The following AGBL4 variants were observed in gnomAD, a reference collection of about 807,000 sequenced individuals.
The protein encoded by AGBL4 is AGBL carboxypeptidase 4, also known as cytosolic carboxypeptidase 6.
A neutral mutation model predicts 66.4 loss-of-function variants in AGBL4; 58 were observed. The observed-to-expected ratio is 0.87, with a 90% confidence interval of 0.71 to 1.09. AGBL4 has a LOEUF of 1.09. Among genes scored for constraint, AGBL4 ranks in the 50% least tolerant of loss-of-function variants. The pLI is 0.00. For synonymous variants in AGBL4, 234 were observed against 222.9 expected, an observed-to-expected ratio of 1.05 and a Z score of -0.44; for missense variants, 579 against 631.0, an observed-to-expected ratio of 0.92 and a Z score of 0.88.
intron 1 of AGBL4, among the ~76,000 whole-genome samples, chr1:49,868,603 T>C (rs1646764014): frequency 6.6e-6 from 1 of 151,920 alleles, no homozygotes; most frequent in African/African-American, 2.4e-5. Context: ...ATACAAAAAA[T>C]AACTCAAGAT....
intron 2 of AGBL4, among the ~76,000 whole-genome samples, chr1:49,702,446 G>A (rs981465736): frequency 2.0e-5 from 3 of 152,004 alleles, no homozygotes; most frequent in Admixed American, 6.6e-5. Flanking sequence ...AGCCAAGATC[G>A]TGCCACTGCA....
At chr1:49,599,433 T>C (rs1238560139) in intron 3 of AGBL4, among the ~76,000 whole-genome samples, 1 of 152,250 alleles carries the variant, frequency 6.6e-6, no homozygotes, top group African/African-American at 2.4e-5. Context: ...TGTATTTCTG[T>C]GGGATCAGTG....
At chr1:48,776,859 G>C (rs1045619365) in intron 6 of AGBL4, 76 of 1,464,186 alleles carry the variant, frequency 5.2e-5, no homozygotes, top group Non-Finnish European at 6.7e-5. Flanking sequence ...GGCCCCGGTC[G>C]GGCAGCTCAG....
At chr1:48,974,676 T>C (rs1481268021) in intron 5 of AGBL4, among the ~76,000 whole-genome samples, 1 of 152,160 alleles carries the variant, frequency 6.6e-6, no homozygotes, top group Non-Finnish European at 1.5e-5. Flanking sequence ...GTGAAGTAAT[T>C]GGATGAATCT....
At chr1:48,546,258 T>A (rs948772054) in intron 11 of AGBL4, among the ~76,000 whole-genome samples, 3 of 152,248 alleles carry the variant, frequency 2.0e-5, no homozygotes, top group Non-Finnish European at 4.4e-5. Flanking sequence ...GTGGCTTGAA[T>A]GTAACAAAGG....
intron 3 of AGBL4, among the ~76,000 whole-genome samples, chr1:49,617,223 G>T (rs1244624242): frequency 1.3e-5 from 2 of 152,094 alleles, no homozygotes; most frequent in Non-Finnish European, 2.9e-5. Context: ...TGTCAGTCAT[G>T]CTATCACTCA....
At chr1:48,816,042 G>GTT (rs1478997925) in intron 6 of AGBL4, among the ~76,000 whole-genome samples, 3 of 109,366 alleles carry the variant, frequency 2.7e-5, no homozygotes, top group African/African-American at 1.1e-4. Flanking sequence ...TTGAGGAACT[G>GTT]TTTTGTGTGT....
chr1:49,187,149 C>A (rs2148198460), intron 4 of AGBL4: 1 of 152,200 alleles, frequency 6.6e-6, no homozygotes, highest in African/African-American at 2.4e-5. Context: ...ACACAGCAGC[C>A]TTTTTGGGGC....
At position 49,301,054 on chromosome 1, in the gene AGBL4, G is replaced by T. The variant is rs1644736231; in HGVS notation, c.283-55190C>A. On this transcript the variant is annotated intron_variant, in intron 3 of 13. Coordinates refer to ENST00000371839, the MANE Select transcript of AGBL4 (RefSeq NM_032785.4). ...GGACAAGGAGCATGTCTTGTTTGTG[G>T]CATATAATATGTGCTAACATAATGT... 2.0e-5 allele frequency among the ~76,000 whole-genome samples: 3 copies of T among 152,148 alleles called. No homozygotes were observed. In the South Asian group the frequency reaches 6.2e-4, roughly 32 times the overall value.
At chr1:49,641,728 T>G (rs1645784929) in intron 3 of AGBL4, among the ~76,000 whole-genome samples, 1 of 152,074 alleles carries the variant, frequency 6.6e-6, no homozygotes, top group South Asian at 2.1e-4. Flanking sequence ...ACATTTAACT[T>G]TTCAGTGATA....
rs1193439797 is a variant in AGBL4 at position 49,219,355 on chromosome 1, G to C, written c.377+26415C>G. Among the ~76,000 whole-genome samples the C allele has an allele frequency of 2.0e-5, 3 of 152,042 alleles. No individual in the cohort carries two copies. The East Asian group carries it at 5.8e-4, about 29-fold the overall frequency. ...ATATCCATTGTTCTATTCTTATTAGGAGATGCCTCATTTTTCTCCTTTTAT... is the reference window on the plus strand; with the variant it reads ...ATATCCATTGTTCTATTCTTATTAGCAGATGCCTCATTTTTCTCCTTTTAT... On this transcript the variant is annotated intron_variant, in intron 4 of 13. Transcript: ENST00000371839.
intron 1 of AGBL4, among the ~76,000 whole-genome samples, chr1:49,882,368 T>C (rs1182723304): frequency 1.5e-4 from 23 of 150,678 alleles, no homozygotes; most frequent in East Asian, 7.8e-4. Context: ...CTTGGCGATG[T>C]GGGCTCTTTT....
chr1:49,739,845 C>G (rs925003994), intron 2 of AGBL4, among the ~76,000 whole-genome samples: 3 of 152,110 alleles, frequency 2.0e-5, no homozygotes, highest in Non-Finnish European at 4.4e-5. Context: ...CACAGACAAG[C>G]AAATGCTGAG....
chr1:49,099,260 T>C (rs573037902), intron 4 of AGBL4, among the ~76,000 whole-genome samples: 1 of 152,308 alleles, frequency 6.6e-6, no homozygotes, highest in African/African-American at 2.4e-5. Flanking sequence ...GTATATGGTA[T>C]GTCCAAACTG....
chr1:49,583,929 A>G (rs1445017351), intron 3 of AGBL4, among the ~76,000 whole-genome samples: 1 of 152,162 alleles, frequency 6.6e-6, no homozygotes, highest in Non-Finnish European at 1.5e-5. Context: ...CTGAAGCCCC[A>G]TAAAAAACCA....
In AGBL4 at chr1:48,590,882, T is replaced by C. The variant is rs745886367; in HGVS notation, c.1055A>G (p.Gln352Arg). ...GCAGAGGAGCTTGGGAAAAATGGCC[T>C]GCCTCTGGAACCGTTCCTCATCCTC... is the stretch of plus-strand genomic sequence containing the variant. Reference protein sequence around the residue: ...IFEDEERFQRQAIFPKLLCQN... With the variant: ...IFEDEERFQRRAIFPKLLCQN... Residue 352 changes from glutamine to arginine, a missense_variant, in exon 10 of 14, where the codon CAG (glutamine) becomes CGG (arginine). Physicochemically the swap from Gln to Arg is conservative, Grantham distance 43 (BLOSUM62 1). Transcript: ENST00000371839. 33 of 1,606,934 alleles carry C rather than the reference T, an allele frequency of 2.1e-5. No individual in the cohort carries two copies. Among genetic ancestry groups the C allele is most frequent in the African/African-American group, 2.7e-5 (2 of 74,830 alleles).
chr1:49,938,005 C>T (rs1185438755), intron 1 of AGBL4, among the ~76,000 whole-genome samples: 4 of 150,594 alleles, frequency 2.7e-5, no homozygotes, highest in African/African-American at 7.4e-5. Context: ...CAGAGCAGAA[C>T]TGAAGAAAAT....
chr1:49,547,576 T>C (rs976674140), intron 3 of AGBL4, among the ~76,000 whole-genome samples: 3 of 152,120 alleles, frequency 2.0e-5, no homozygotes, highest in Non-Finnish European at 4.4e-5. Flanking sequence ...AGCGTTGAAT[T>C]TGTAGATCCC....
At chr1:49,170,514 CTATAA>C (rs1421037735) in intron 4 of AGBL4, among the ~76,000 whole-genome samples, 3 of 140,662 alleles carry the variant, frequency 2.1e-5, no homozygotes, top group African/African-American at 5.2e-5. Flanking sequence ...TTATAAATTA[CTATAA>C]TATATGTATA....
Sources: gnomAD v4.1 joint callset for allele counts (sites outside exome capture counted in the v4.1 genomes callset) on GRCh38, gnomAD v4.1.1 for gene constraint, MANE v1.5 for transcripts, NCBI Gene and HGNC (gene_info 2026-07-23, HGNC 2026-07-21) for gene names.